PKD1L1: variants seen among roughly 807,000 people sequenced by gnomAD.
The protein encoded by PKD1L1 is polycystin-1-like protein 1.
A neutral mutation model predicts 323.4 loss-of-function variants in PKD1L1; 236 were observed. The observed-to-expected ratio is 0.73, with a 90% CI of 0.66 to 0.81. The LOEUF (loss-of-function observed/expected upper bound fraction) is 0.81, where lower values mean the gene tolerates loss of function less well. Among genes scored for constraint, PKD1L1 ranks in the 40% least tolerant of loss-of-function variants. The pLI is 0.00. For missense variants in PKD1L1, 3,320 were observed against 3,508.0 expected, an observed-to-expected ratio of 0.95 and a Z score of 1.35; for synonymous variants, 1,344 against 1,335.0, an observed-to-expected ratio of 1.01 and a Z score of -0.15.
At chr7:47,868,462 A>C (rs183601795) in intron 24 of PKD1L1, among the ~76,000 whole-genome samples, 18 of 152,342 alleles carry the variant, frequency 1.2e-4, no homozygotes, top group African/African-American at 4.3e-4. Context: ...AAATGACACT[A>C]GATGGTAACT....
intron 21 of PKD1L1, among the ~76,000 whole-genome samples, chr7:47,879,671 C>T (rs1225698227): frequency 1.4e-5 from 2 of 142,966 alleles, no homozygotes; most frequent in Non-Finnish European, 3.0e-5. Flanking sequence ...CGGTGGCTCA[C>T]GCCTGTAATC....
At position 47,885,654 on chromosome 7, in the gene PKD1L1, G is replaced by C. The variant is rs368246941; in HGVS notation, c.3205+32C>G. ...AAAGGTAACTTTGGTGCCTAGACAA[G>C]AGGGATGACATGCAGGAACAGTGGC... On this transcript the variant is annotated intron_variant, in intron 18 of 56. Transcript: ENST00000289672. 3.2e-6 allele frequency: 5 copies of C among 1,585,782 alleles called. No homozygotes were observed. In the Admixed American group the frequency reaches 8.6e-5, roughly 27 times the overall value.
chr7:47,830,697 C>G (rs763280639), intron 42 of PKD1L1, among the ~76,000 whole-genome samples: 1 of 152,160 alleles, frequency 6.6e-6, no homozygotes, highest in Non-Finnish European at 1.5e-5. Flanking sequence ...TGAGGCTACT[C>G]TTTGTGGTTT....
chr7:47,809,459 A>G lies in PKD1L1; in HGVS notation c.7686+14T>C, dbSNP rs1220959021. On this transcript the variant is annotated intron_variant, in intron 51 of 56. Transcript: ENST00000289672. ...TTGTTATTTTTCAAAAGAAAATGAC[A>G]CAAGAGAGGCTACCTCCAGCCAGTT... is the stretch of plus-strand genomic sequence containing the variant. 3.3e-6 allele frequency: 5 copies of G among 1,529,578 alleles called. No homozygotes were observed. Among genetic ancestry groups the G allele is most frequent in the Non-Finnish European group, 3.6e-6 (4 of 1,124,522 alleles). The allele number at this position is 1,529,578 out of a possible 1,614,324, so 94.8% of individuals were successfully genotyped here.
At position 47,880,711 on chromosome 7, in the gene PKD1L1, C is replaced by T. The variant is rs1786533502; in HGVS notation, c.3520+17G>A. The T allele has an allele frequency of 1.9e-6, 3 of 1,590,428 alleles. No individual in the cohort carries two copies. The highest frequency in any genetic ancestry group is 2.6e-6 in the Non-Finnish European group (3 of 1,165,024). ...ACTCCTCATCCTCTGATAAATGCAA[C>T]TGACAATGTAACATACCCACAGACA... On this transcript the variant is annotated intron_variant, in intron 21 of 56. Coordinates refer to ENST00000289672, the MANE Select transcript of PKD1L1 (RefSeq NM_138295.5).
At chr7:47,779,388 T>A (rs1786640001) in intron 56 of PKD1L1, among the ~76,000 whole-genome samples, 1 of 152,200 alleles carries the variant, frequency 6.6e-6, no homozygotes, top group Non-Finnish European at 1.5e-5. Flanking sequence ...TGTGGTTAAA[T>A]TATGCTGAAA....
intron 4 of PKD1L1, among the ~76,000 whole-genome samples, chr7:47,933,617 T>C (rs916012819): frequency 6.6e-6 from 1 of 152,098 alleles, no homozygotes; most frequent in Non-Finnish European, 1.5e-5. Context: ...AACCCTCTCT[T>C]CACCATGATC....
At chr7:47,815,269 G>T in intron 47 of PKD1L1, 65 bp downstream of exon 47, 1 of 1,577,644 alleles carries the variant, frequency 6.3e-7, no homozygotes, top group Admixed American at 1.8e-5. Context: ...ATTAGTGACT[G>T]TTTCACCCAC....
chr7:47,932,859 A>G (rs1435391322), intron 4 of PKD1L1, among the ~76,000 whole-genome samples: 4 of 152,182 alleles, frequency 2.6e-5, no homozygotes, highest in Admixed American at 2.0e-4. Flanking sequence ...CCTGCAGCCA[A>G]CTGGCTCTGG....
At chr7:47,869,122 A>G (rs988327054) in intron 24 of PKD1L1, among the ~76,000 whole-genome samples, 8 of 152,224 alleles carry the variant, frequency 5.3e-5, no homozygotes, top group African/African-American at 1.9e-4. Context: ...CTAAAAATAC[A>G]TAATAATCAT....
chr7:47,811,629 G>A (rs1178254135), intron 50 of PKD1L1, among the ~76,000 whole-genome samples, 188 bp downstream of exon 50: 3 of 152,198 alleles, frequency 2.0e-5, no homozygotes, highest in Non-Finnish European at 4.4e-5. Context: ...CCCACTGGGG[G>A]TCTTCTTCGT....
At chr7:47,818,306 G>A (rs755408502) in intron 46 of PKD1L1, 7 of 800,136 alleles carry the variant, frequency 8.7e-6, no homozygotes, top group Non-Finnish European at 1.0e-5. Flanking sequence ...GCAAAGGATG[G>A]CTGGAGGTGA....
intron 46 of PKD1L1, chr7:47,819,779 C>G (rs926088717): frequency 1.0e-5 from 3 of 293,946 alleles, no homozygotes; most frequent in Non-Finnish European, 2.0e-5. Flanking sequence ...CATTATCTTG[C>G]TGCGTATGAA....
At chr7:47,880,633 G>A (rs1786532021) in intron 21 of PKD1L1, 95 bp downstream of exon 21, 2 of 931,182 alleles carry the variant, frequency 2.1e-6, no homozygotes, top group African/African-American at 1.8e-5. Context: ...TTACGCTGAT[G>A]TAGACCTGCA....
At chr7:47,931,344 A>G in intron 5 of PKD1L1, 23 bp from the exon 6 acceptor site, 2 of 1,612,938 alleles carry the variant, frequency 1.2e-6, no homozygotes, top group East Asian at 4.5e-5. Context: ...AGAACAGTTC[A>G]GGGTTTATTG....
intron 4 of PKD1L1, among the ~76,000 whole-genome samples, chr7:47,932,567 G>A (rs1449761141): frequency 2.0e-5 from 3 of 152,188 alleles, no homozygotes; most frequent in Admixed American, 6.5e-5. Context: ...TCAGTTAGCC[G>A]GTCATCTTCG....
intron 11 of PKD1L1, 131 bp from the exon 12 acceptor site, chr7:47,904,748 C>T: frequency 1.8e-6 from 2 of 1,130,282 alleles, no homozygotes. Flanking sequence ...TTTGTAAGAA[C>T]TACAAAAGTA....
At chr7:47,796,750 G>T (rs1784544166) in intron 54 of PKD1L1, among the ~76,000 whole-genome samples, 1 of 151,566 alleles carries the variant, frequency 6.6e-6, no homozygotes, top group African/African-American at 2.4e-5. Context: ...CACTTTGGGA[G>T]GCCAAGGCAG....
intron 31 of PKD1L1, among the ~76,000 whole-genome samples, chr7:47,848,234 A>G (rs1006810752): frequency 2.0e-5 from 3 of 151,466 alleles, no homozygotes; most frequent in Non-Finnish European, 4.4e-5. Context: ...TTGAAGATAC[A>G]CTCCTCCCCC....
Sources: allele counts gnomAD v4.1 joint callset (sites outside exome capture counted in the v4.1 genomes callset), GRCh38; gene constraint gnomAD v4.1.1; transcripts MANE v1.5; gene names NCBI Gene and HGNC (gene_info 2026-07-23, HGNC 2026-07-21).